Variants in DCC observed in about 807,000 individuals in gnomAD.
DCC encodes the protein DCC netrin 1 receptor, also known as netrin receptor DCC.
Under a neutral mutation model 172.5 loss-of-function variants are expected in DCC, and 58 were observed. The ratio of observed to expected loss-of-function variants is 0.34; its 90% confidence interval spans 0.27 to 0.42. The LOEUF (loss-of-function observed/expected upper bound fraction) is 0.42. Ranked by LOEUF, DCC falls within the 10% of genes least tolerant of loss-of-function variation. The pLI is 1.00. For synonymous variants in DCC, 709 were observed against 644.5 expected (o/e 1.10, Z -1.52); for missense variants, 1,740 against 1,791.0 (o/e 0.97, Z 0.51).
chr18:53,416,010 G>A, intron 20 of DCC, 114 bp from the exon 21 acceptor site: 2 of 753,690 alleles, frequency 2.7e-6, no homozygotes, highest in South Asian at 2.9e-5. Flanking sequence ...TTTATTTCAA[G>A]AGGGCACTAG....
At chr18:53,075,719 A>T (rs2042717035) in intron 7 of DCC, among the ~76,000 whole-genome samples, 1 of 152,150 alleles carries the variant, frequency 6.6e-6, no homozygotes, top group Non-Finnish European at 1.5e-5. Context: ...ATACATATAG[A>T]TTATATAGTA....
chr18:52,930,254 C>T (rs898879313), intron 5 of DCC, among the ~76,000 whole-genome samples: 1 of 152,014 alleles, frequency 6.6e-6, no homozygotes, highest in South Asian at 2.1e-4. Context: ...CATGAGCCAT[C>T]GCACCCAACC....
At chr18:52,920,020 C>T (rs1415544097) in intron 3 of DCC, among the ~76,000 whole-genome samples, 1 of 100,172 alleles carries the variant, frequency 1.0e-5, no homozygotes, top group African/African-American at 3.8e-5. Context: ...TGTCCATATA[C>T]AAAAAAAAAA....
At chr18:53,458,971 C>T (rs768795523) in intron 23 of DCC, among the ~76,000 whole-genome samples, 2 of 152,104 alleles carry the variant, frequency 1.3e-5, no homozygotes, top group African/African-American at 2.4e-5. Flanking sequence ...AATCTGCAGC[C>T]GCTGAAGCTG....
chr18:52,587,752 C>G (rs2033708787), intron 1 of DCC, among the ~76,000 whole-genome samples: 1 of 152,218 alleles, frequency 6.6e-6, no homozygotes, highest in African/African-American at 2.4e-5. Context: ...CAGCTGTCCA[C>G]TTTTGGGTGG....
intron 1 of DCC, among the ~76,000 whole-genome samples, chr18:52,409,985 T>G (rs1334923583): frequency 6.6e-6 from 1 of 152,148 alleles, no homozygotes; most frequent in East Asian, 1.9e-4. Context: ...TGAACACTGC[T>G]CTAACTGACC....
At chr18:52,526,372 A>T (rs1223900824) in intron 1 of DCC, among the ~76,000 whole-genome samples, 1 of 152,182 alleles carries the variant, frequency 6.6e-6, no homozygotes, top group African/African-American at 2.4e-5. Context: ...AATCAGTGAC[A>T]GCAGCCCCTG....
intron 9 of DCC, among the ~76,000 whole-genome samples, chr18:53,181,712 A>G (rs1046524825): frequency 2.0e-5 from 3 of 152,216 alleles, no homozygotes; most frequent in Admixed American, 1.3e-4. Flanking sequence ...CATGTTAGAA[A>G]AGCATATGTG....
intron 19 of DCC, among the ~76,000 whole-genome samples, chr18:53,409,794 C>A (rs2145053069): frequency 6.6e-6 from 1 of 152,192 alleles, no homozygotes; most frequent in East Asian, 1.9e-4. Flanking sequence ...AGTTATCCAG[C>A]AATACTTATT....
intron 1 of DCC, among the ~76,000 whole-genome samples, chr18:52,594,911 C>A (rs528607394): frequency 1.3e-5 from 2 of 152,312 alleles, no homozygotes; most frequent in Admixed American, 6.5e-5. Flanking sequence ...GATTACATTT[C>A]AACATGAGAT....
intron 8 of DCC, among the ~76,000 whole-genome samples, chr18:53,172,858 G>A (rs1019148984): frequency 6.6e-6 from 1 of 151,962 alleles, no homozygotes; most frequent in Non-Finnish European, 1.5e-5. Flanking sequence ...ATTTAGAGGA[G>A]GAAGTTCCAG....
chr18:53,214,760 A>G (rs62100771), intron 11 of DCC, among the ~76,000 whole-genome samples: 44,051 of 152,074 alleles, frequency 0.29, 7,912 homozygotes, highest in Non-Finnish European at 0.41. Flanking sequence ...TTCCTGACAC[A>G]TAAAAGCCAT....
At chr18:53,133,193 C>A (rs1195687754) in intron 7 of DCC, among the ~76,000 whole-genome samples, 3 of 152,162 alleles carry the variant, frequency 2.0e-5, no homozygotes, top group Non-Finnish European at 4.4e-5. Context: ...TGAGTTTGTG[C>A]CAAGGCACAG....
chr18:53,264,350 G>A (rs1287840882), intron 12 of DCC, among the ~76,000 whole-genome samples: 4 of 151,890 alleles, frequency 2.6e-5, no homozygotes, highest in Non-Finnish European at 5.9e-5. Context: ...AGCCAGACGT[G>A]GTGGCGGCTG....
At chr18:52,527,332 T>C (rs879177571) in intron 1 of DCC, among the ~76,000 whole-genome samples, 1 of 152,380 alleles carries the variant, frequency 6.6e-6, no homozygotes, top group East Asian at 1.9e-4. Context: ...AACAAAGAGA[T>C]GTTATGCATT....
intron 1 of DCC, among the ~76,000 whole-genome samples, chr18:52,420,885 G>T (rs1196867819): frequency 6.6e-6 from 1 of 152,016 alleles, no homozygotes; most frequent in Non-Finnish European, 1.5e-5. Context: ...TCTGGTGTGG[G>T]CAGAATAAAT....
In DCC at chr18:53,361,828, A is replaced by G. The variant is rs2057951540; in HGVS notation, c.2359+21921A>G. On this transcript the variant is annotated intron_variant, in intron 15 of 28. Coordinates refer to ENST00000442544, the MANE Select transcript of DCC (RefSeq NM_005215.4). Reference sequence around the variant, plus strand: ...CATATTTACAGCAAAGAAATTATGTATTTTTTTTAAATGTAGAGCCTGGAA... The same window carrying G: ...CATATTTACAGCAAAGAAATTATGTGTTTTTTTTAAATGTAGAGCCTGGAA... Among the ~76,000 whole-genome samples, 3 of 151,830 alleles carry G rather than the reference A, an allele frequency of 2.0e-5. 1 individual carries two copies. The highest frequency in any genetic ancestry group is 7.3e-5 in the African/African-American group (3 of 41,336).
intron 1 of DCC, among the ~76,000 whole-genome samples, chr18:52,732,194 A>G (rs548513171): frequency 2.6e-5 from 4 of 152,282 alleles, no homozygotes; most frequent in Middle Eastern, 3.4e-3. Context: ...AAGTGATGGT[A>G]TTTTGAATGG....
chr18:53,444,931 T>A (rs1008666501), intron 22 of DCC, among the ~76,000 whole-genome samples: 2 of 152,314 alleles, frequency 1.3e-5, no homozygotes, highest in East Asian at 3.9e-4. Context: ...CAACATTGTA[T>A]CTCCAACATC....
Sources: gnomAD v4.1 joint callset for allele counts (sites outside exome capture counted in the v4.1 genomes callset) on GRCh38, gnomAD v4.1.1 for gene constraint, MANE v1.5 for transcripts, NCBI Gene and HGNC (gene_info 2026-07-23, HGNC 2026-07-21) for gene names.